CCL3: variants seen among roughly 807,000 people sequenced by gnomAD.
The protein encoded by CCL3 is C-C motif chemokine 3.
In CCL3, 6 loss-of-function variants were observed where a neutral mutation model predicts 8.1. The observed-to-expected ratio is 0.74, with a 90% confidence interval of 0.41 to 1.46. The LOEUF (loss-of-function observed/expected upper bound fraction) is 1.46. Among genes scored for constraint, CCL3 ranks in the 40% most tolerant of loss-of-function variants. The pLI is 0.02. For synonymous variants in CCL3, 45 were observed against 45.1 expected (o/e 1.00, Z 0.01); for missense variants, 109 against 117.7 (o/e 0.93, Z 0.34).
intron 1 of CCL3, 33 bp from the exon 2 acceptor site, chr17:36,089,330 A>G (rs1277586870): frequency 6.8e-6 from 11 of 1,614,064 alleles, no homozygotes; most frequent in Non-Finnish European, 9.3e-6. Flanking sequence ...AGCCCGAGTC[A>G]CAGCTCAGAA....
In CCL3 at chr17:36,088,952, C is replaced by T. The variant is rs570171800; in HGVS notation, c.189-190G>A. On this transcript the variant is annotated intron_variant, in intron 2 of 2. Coordinates refer to ENST00000613922, the MANE Select transcript of CCL3 (RefSeq NM_002983.3). The stretch of plus-strand genomic sequence containing the variant: ...AGTAGGGGTGGCCCTCAGAGTGTCC[C>T]GCTGCCTCCTTCTTCCTGTCCCTTT... Among the ~76,000 whole-genome samples the T allele has an allele frequency of 7.4e-4, 113 of 152,290 alleles. 1 individual carries two copies. Among genetic ancestry groups the T allele is most frequent in the Non-Finnish European group, 4.4e-4 (30 of 68,028 alleles).
At chr17:36,089,047 C>G (rs2067015930) in intron 2 of CCL3, 136 bp downstream of exon 2, 1 of 1,185,990 alleles carries the variant, frequency 8.4e-7, no homozygotes, top group Admixed American at 1.9e-5. Context: ...TCAGGTCACA[C>G]CTCGGAGCCC....
In CCL3 at chr17:36,088,300, A is replaced by T. The variant is rs1014745000; in HGVS notation, c.*372T>A. ...TCTTTATTATTTCCCCAGGCCGATC[A>T]CAGCCCTGAACAAAAGCATCCGATA... On this transcript the variant is annotated 3_prime_UTR_variant, in exon 3 of 3. Transcript: ENST00000613922. 3.9e-5 allele frequency: 10 copies of T among 256,722 alleles called. No homozygotes were observed. The East Asian group carries it at 6.4e-4, about 16-fold the overall frequency. 15.9% of individuals were successfully genotyped at this position (256,722 alleles called of 1,614,324 possible).
intron 1 of CCL3, chr17:36,089,606 G>T: frequency 1.6e-6 from 1 of 609,434 alleles, no homozygotes; most frequent in Non-Finnish European, 2.9e-6. Context: ...AGAAGCCTTG[G>T]ACATCTCTCA....
intron 1 of CCL3, 154 bp downstream of exon 1, chr17:36,089,832 T>C (rs2067028014): frequency 3.8e-6 from 3 of 795,804 alleles, no homozygotes; most frequent in Non-Finnish European, 4.4e-6. Flanking sequence ...CTTCTAGAGA[T>C]AAAAATAAAA....
Position 36,088,639 on chromosome 17 carries a change from C to T in CCL3, c.*33G>A, listed in dbSNP as rs5029407. ...TCCTGCTCCTCCCCACTGGGCCCAC[C>T]GAGGTCGCTGGGCCTCGAAGCTTCT... On this transcript the variant is annotated 3_prime_UTR_variant, in exon 3 of 3. Coordinates refer to ENST00000613922, the MANE Select transcript of CCL3 (RefSeq NM_002983.3). The T allele has an allele frequency of 2.1e-3, 3,306 of 1,611,940 alleles. 61 individuals carry two copies. In the African/African-American group the frequency reaches 0.031, roughly 15 times the overall value.
rs1342278953 is a variant in CCL3 at position 36,089,484 on chromosome 17, T to G, written c.74-187A>C. ...ATCCTTCTTTCTCCTTGACTCTTCA[T>G]AGTGGGTTCTCTGTTTCTCTGTGTG... On this transcript the variant is annotated intron_variant, in intron 1 of 2. Coordinates refer to ENST00000613922, the MANE Select transcript of CCL3 (RefSeq NM_002983.3). The G allele has an allele frequency of 1.2e-5, 8 of 662,562 alleles. No individual in the cohort carries two copies. The East Asian group carries it at 1.4e-4, about 11-fold the overall frequency. The allele number at this position is 662,562 out of a possible 1,614,324, so 41.0% of individuals were successfully genotyped here.
chr17:36,089,206 G>T lies in CCL3; in HGVS notation c.165C>A (p.Ser55Arg). The part of the protein sequence containing the change: ...NFIADYFETS[S>R]QCSKPGVIFL... The stretch of plus-strand genomic sequence containing the variant: ...ACATGACACCGGGCTTGGAGCACTG[G>T]CTGCTCGTCTCAAAGTAGTCAGCTA... The change falls in exon 2 of 3, where the codon AGC (serine) becomes AGA (arginine). Residue 55 changes from serine to arginine, a missense_variant. Ser to Arg is a moderately radical substitution (Grantham distance 110, BLOSUM62 -1). Coordinates refer to ENST00000613922, the MANE Select transcript of CCL3 (RefSeq NM_002983.3). 2 of 1,614,008 alleles carry T rather than the reference G, an allele frequency of 1.2e-6. No individual in the cohort carries two copies. The highest frequency in any genetic ancestry group is 1.7e-6 in the Non-Finnish European group (2 of 1,179,892).
At position 36,089,777 on chromosome 17, in the gene CCL3, C is replaced by T. The variant is rs376680285; in HGVS notation, c.73+209G>A. ...TGTAAAAGGGACTGTAACTCCCCTGCCCCTGCCTAGATTCTCATACCTGGA... is the reference window on the plus strand; with the variant it reads ...TGTAAAAGGGACTGTAACTCCCCTGTCCCTGCCTAGATTCTCATACCTGGA... On this transcript the variant is annotated intron_variant, in intron 1 of 2. Coordinates refer to ENST00000613922, the MANE Select transcript of CCL3 (RefSeq NM_002983.3). The T allele has an allele frequency of 4.0e-5, 29 of 719,954 alleles. No homozygotes were observed. The Middle Eastern group carries it at 1.6e-3, about 40-fold the overall frequency. 44.6% of individuals were successfully genotyped at this position (719,954 alleles called of 1,614,324 possible). A position where few individuals can be genotyped will look rare whatever the true frequency, so the allele number is the denominator to read the frequency against.
rs760328226 is a variant in CCL3, at chr17:36,089,223, A to C, written c.148T>G (p.Tyr50Asp). ...GAGCACTGGCTGCTCGTCTCAAAGT[A>C]GTCAGCTATGAAATTCTGTGGAATC... ...RQIPQNFIADYFETSSQCSKP... is the reference protein window; with the variant it reads ...RQIPQNFIADDFETSSQCSKP... Residue 50 changes from tyrosine to aspartate, a missense_variant, in exon 2 of 3, where the codon TAC (tyrosine) becomes GAC (aspartate). Coordinates refer to ENST00000613922, the MANE Select transcript of CCL3 (RefSeq NM_002983.3). The C allele has an allele frequency of 2.5e-6, 4 of 1,614,034 alleles. No individual in the cohort carries two copies. In the South Asian group the frequency reaches 4.4e-5, roughly 18 times the overall value.
In CCL3 at chr17:36,088,695, T is replaced by C. The variant is rs1286859471; in HGVS notation, c.256A>G (p.Ser86Gly). 1 of 1,613,482 alleles carries C rather than the reference T, an allele frequency of 6.2e-7. No homozygotes were observed. The highest frequency in any genetic ancestry group is 1.7e-5 in the Admixed American group (1 of 59,990). ...CCTCAGGCACTCAGCTCCAGGTCGC[T>C]GACATATTTCTGGACCCACTCCTCA... is the stretch of plus-strand genomic sequence containing the variant. ...PSEEWVQKYV[S>G]DLELSA The change falls in exon 3 of 3, where the codon AGC (serine) becomes GGC (glycine). Residue 86 changes from serine (S) to glycine (G), a missense_variant. Transcript: ENST00000613922.
intron 1 of CCL3, 141 bp from the exon 2 acceptor site, chr17:36,089,438 T>C (rs910281039): frequency 2.2e-6 from 2 of 904,674 alleles, no homozygotes; most frequent in Middle Eastern, 2.2e-4. Context: ...TGCTGAGAAA[T>C]GTCTCTTTGT....
chr17:36,088,699 A>C lies in CCL3; in HGVS notation c.252T>G (p.Tyr84Ter), dbSNP rs1049114. 2.5e-6 allele frequency: 4 copies of C among 1,613,486 alleles called. No individual in the cohort carries two copies. Among genetic ancestry groups the C allele is most frequent in the Middle Eastern group, 1.7e-4 (1 of 5,926 alleles). Residue 84 changes from tyrosine (Y) to a stop codon, truncating the protein, a stop_gained, in exon 3 of 3, where the codon TAT (tyrosine) becomes TAG (stop). Coordinates refer to ENST00000613922, the MANE Select transcript of CCL3 (RefSeq NM_002983.3). LOFTEE classifies it high-confidence loss of function. ...ADPSEEWVQKYVSDLELSA is the reference protein window; with the variant it reads ...ADPSEEWVQK ...AGGCACTCAGCTCCAGGTCGCTGAC[A>C]TATTTCTGGACCCACTCCTCACTGG...
At chr17:36,089,526 G>A (rs1163039426) in intron 1 of CCL3, 10 of 622,870 alleles carry the variant, frequency 1.6e-5, no homozygotes, top group African/African-American at 3.7e-5. Context: ...ATACCTGAAC[G>A]GACTGTTCTC....
intron 2 of CCL3, 46 bp downstream of exon 2, chr17:36,089,137 G>T (rs761718310): frequency 4.3e-6 from 7 of 1,611,394 alleles, no homozygotes; most frequent in South Asian, 1.1e-5. Flanking sequence ...CCCCAACCCT[G>T]ACCCTCCCTA....
chr17:36,089,023 A>T (rs1040259822), intron 2 of CCL3, among the ~76,000 whole-genome samples, 160 bp downstream of exon 2: 3 of 151,602 alleles, frequency 2.0e-5, no homozygotes, highest in Non-Finnish European at 4.4e-5. Flanking sequence ...CACATGCCTC[A>T]CTCCAGCTCC....
rs556132749 is a variant in CCL3 at position 36,088,780 on chromosome 17, A to C, written c.189-18T>G. The C allele has an allele frequency of 6.2e-6, 10 of 1,613,662 alleles. No individual in the cohort carries two copies. The African/African-American group carries it at 1.2e-4, about 19-fold the overall frequency. On this transcript the variant is annotated intron_variant, in intron 2 of 2. Transcript: ENST00000613922. ...TTAGGAAGCTGTGGAGAAGGGAGGA[A>C]GAGTTAAGCACTGGGGAATCCAGCA... is the stretch of plus-strand genomic sequence containing the variant.
At chr17:36,088,996 CCT>C (rs1414333245) in intron 2 of CCL3, among the ~76,000 whole-genome samples, 185 bp downstream of exon 2, 1 of 152,150 alleles carries the variant, frequency 6.6e-6, no homozygotes, top group East Asian at 1.9e-4. Context: ...CTGGGGCAGC[CCT>C]TCCTGACTCT....
Position 36,088,666 on chromosome 17 carries a change from G to A in CCL3, c.*6C>T. 6.2e-7 allele frequency: 1 copy of A among 1,613,150 alleles called. No individual in the cohort carries two copies. Among genetic ancestry groups the A allele is most frequent in the Non-Finnish European group, 8.5e-7 (1 of 1,179,832 alleles). ...AGGTCGCTGGGCCTCGAAGCTTCTG[G>A]ACCCCTCAGGCACTCAGCTCCAGGT... On this transcript the variant is annotated 3_prime_UTR_variant, in exon 3 of 3. Coordinates refer to ENST00000613922, the MANE Select transcript of CCL3 (RefSeq NM_002983.3).
Sources: allele counts gnomAD v4.1 joint callset (sites outside exome capture counted in the v4.1 genomes callset), GRCh38; gene constraint gnomAD v4.1.1; transcripts MANE v1.5; gene names NCBI Gene and HGNC (gene_info 2026-07-23, HGNC 2026-07-21).